STAT1: variants seen among roughly 807,000 people sequenced by gnomAD.
STAT1 encodes signal transducer and activator of transcription 1-alpha/beta.
In STAT1, 24 loss-of-function variants were observed where a neutral mutation model predicts 111.7. That is an observed-to-expected ratio of 0.21 (90% CI 0.16 to 0.30). The LOEUF (loss-of-function observed/expected upper bound fraction) is 0.30. STAT1 is among the 10% of genes least tolerant of loss of function. The probability of loss-of-function intolerance (pLI) is 1.00; values close to 1 mark genes in which losing one functional copy is unlikely to be tolerated. For synonymous variants in STAT1, 332 were observed against 326.5 expected, an observed-to-expected ratio of 1.02 and a Z score of -0.18; for missense variants, 351 against 911.9, an observed-to-expected ratio of 0.38 and a Z score of 7.92.
rs1693182277 is a variant in STAT1, at chr2:190,989,862, T to A, written c.1038-188A>T. Among the ~76,000 whole-genome samples the A allele has an allele frequency of 6.6e-6, 1 of 152,246 alleles. No homozygotes were observed. ...AAGTGTATTTGTAAGAATAAATTCC[T>A]AGCTGTGGAACCGCTTAGGAAAAAT... On this transcript the variant is annotated intron_variant, in intron 11 of 24. Coordinates refer to ENST00000361099, the MANE Select transcript of STAT1 (RefSeq NM_007315.4). The surrounding 1 kb of genome is among the most constrained non-coding windows in gnomAD (Gnocchi z 5.0).
Position 190,977,120 on chromosome 2 carries a change from A to G in STAT1, c.1874-95T>C. ...ACTGCAGAGTTGATGGATTTGAGTG[A>G]ACCTCATAAGAACTAATCACAATCT... On this transcript the variant is annotated intron_variant, in intron 21 of 24. Transcript: ENST00000361099. This position sits in a 1 kb window ranked among gnomAD's most constrained non-coding sequence, Gnocchi z 4.7. 8.1e-7 allele frequency: 1 copy of G among 1,234,328 alleles called. No homozygotes were observed. The highest frequency in any genetic ancestry group is 1.2e-6 in the Non-Finnish European group (1 of 842,098). The allele number at this position is 1,234,328 out of a possible 1,614,324, so 76.5% of individuals were successfully genotyped here.
chr2:191,005,426 T>C (rs1166731758), intron 5 of STAT1, among the ~76,000 whole-genome samples: 4 of 152,230 alleles, frequency 2.6e-5, no homozygotes, highest in African/African-American at 7.2e-5. Flanking sequence ...TGGAGCTTTA[T>C]GGGGGTACCA....
intron 5 of STAT1, among the ~76,000 whole-genome samples, chr2:191,005,385 C>T (rs891058836): frequency 1.6e-4 from 24 of 152,292 alleles, no homozygotes; most frequent in African/African-American, 5.5e-4. Context: ...CGATGGACCG[C>T]GTATATGACA....
In STAT1 at chr2:191,003,667, G is replaced by A. The variant is rs772529623; in HGVS notation, c.373-2504C>T. ...GTTTCCTGAGGCCTCCCCAGAAACT[G>A]AGCAGATGCCAGCACCATGCTTCCT... On this transcript the variant is annotated intron_variant, in intron 5 of 24. Transcript: ENST00000361099. The surrounding 1 kb of genome is among the most constrained non-coding windows in gnomAD (Gnocchi z 4.0). 1.3e-5 allele frequency among the ~76,000 whole-genome samples: 2 copies of A among 150,512 alleles called. No homozygotes were observed. Among genetic ancestry groups the A allele is most frequent in the African/African-American group, 2.5e-5 (1 of 40,804 alleles).
intron 3 of STAT1, among the ~76,000 whole-genome samples, 159 bp downstream of exon 3, chr2:191,009,717 T>C (rs1295537709): frequency 6.6e-6 from 1 of 152,208 alleles, no homozygotes; most frequent in Non-Finnish European, 1.5e-5. Context: ...TGGCTCAACT[T>C]TGTTGAGTCA....
In STAT1 at chr2:190,975,425, T is replaced by C. The variant is rs1184894182; in HGVS notation, c.2135+387A>G. On this transcript the variant is annotated intron_variant, in intron 23 of 24. Coordinates refer to ENST00000361099, the MANE Select transcript of STAT1 (RefSeq NM_007315.4). The surrounding 1 kb of genome is among the most constrained non-coding windows in gnomAD (Gnocchi z 5.9). ...ATAACTGACAATGACATTTCCAAAA[T>C]TTTTTCTACCTTTTATAAAATGAAA... 2 of 727,304 alleles carry C rather than the reference T, an allele frequency of 2.7e-6. No individual in the cohort carries two copies. The highest frequency in any genetic ancestry group is 2.2e-6 in the Non-Finnish European group (1 of 457,692). 45.1% of individuals were successfully genotyped at this position (727,304 alleles called of 1,614,324 possible).
At position 190,997,873 on chromosome 2, in the gene STAT1, C is replaced by T. The variant is rs1693972745; in HGVS notation, c.768G>A (p.Leu256=). ...AATCTTACCAGTTCTGCAGCTGATC[C>T]AAGCAAGCATTGGGCGGCCCCCCAA... ...ACIGGPPNAC[L]DQLQNWFTIV... is the part of the protein sequence containing the mutation. The change falls in exon 9 of 25, where the codon TTG becomes TTA. Residue 256 remains leucine (L), a synonymous_variant. Transcript: ENST00000361099. This position sits in a 1 kb window ranked among gnomAD's most constrained non-coding sequence, Gnocchi z 7.3. 1.9e-6 allele frequency: 3 copies of T among 1,614,210 alleles called. No homozygotes were observed. Among genetic ancestry groups the T allele is most frequent in the Non-Finnish European group, 2.5e-6 (3 of 1,180,040 alleles).
Position 190,977,234 on chromosome 2 carries a change from A to G in STAT1, c.1874-209T>C, listed in dbSNP as rs1015339290. On this transcript the variant is annotated intron_variant, in intron 21 of 24. Transcript: ENST00000361099. The surrounding 1 kb of genome is among the most constrained non-coding windows in gnomAD (Gnocchi z 4.7). ...AAAATAAAGGGAGGTATTATTCTCAATAACATTCTATTTGCCATTATTTGC... is the reference window on the plus strand; with the variant it reads ...AAAATAAAGGGAGGTATTATTCTCAGTAACATTCTATTTGCCATTATTTGC... Among the ~76,000 whole-genome samples, 1 of 152,228 alleles carries G rather than the reference A, an allele frequency of 6.6e-6. No homozygotes were observed. Among genetic ancestry groups the G allele is most frequent in the Admixed American group, 6.5e-5 (1 of 15,280 alleles).
Position 190,990,719 on chromosome 2 carries a change from A to G in STAT1, c.1037+509T>C, listed in dbSNP as rs1437863120. On this transcript the variant is annotated intron_variant, in intron 11 of 24. Transcript: ENST00000361099. This position sits in a 1 kb window ranked among gnomAD's most constrained non-coding sequence, Gnocchi z 5.1. Reference sequence around the variant, plus strand: ...GTATGAAATATATATTTGTGTAGACATGGACAAAATCCTGGGAGGACAGAC... The same window carrying G: ...GTATGAAATATATATTTGTGTAGACGTGGACAAAATCCTGGGAGGACAGAC... Among the ~76,000 whole-genome samples the G allele has an allele frequency of 6.6e-6, 1 of 152,212 alleles. No individual in the cohort carries two copies. The highest frequency in any genetic ancestry group is 6.5e-5 in the Admixed American group (1 of 15,272).
Position 190,985,571 on chromosome 2 carries a change from A to T in STAT1, c.1263+48T>A, listed in dbSNP as rs770617710. The T allele has an allele frequency of 1.9e-6, 3 of 1,610,292 alleles. No homozygotes were observed. The South Asian group carries it at 3.3e-5, about 18-fold the overall frequency. On this transcript the variant is annotated intron_variant, in intron 15 of 24. Transcript: ENST00000361099. ...CCACCAACTGACCTGTCCTTGCTAG[A>T]CAGACCTGCCTGATTTGGGCCCATT...
chr2:190,976,018 ATAACC>A lies in STAT1; in HGVS notation c.2060-136_2060-132del. ...TAGCCTCCTAAAACTTTAAGGAGCT[ATAACC>A]TCCCTGCCTGAGTCACCTAAAATTC... On this transcript the variant is annotated intron_variant, in intron 22 of 24. Coordinates refer to ENST00000361099, the MANE Select transcript of STAT1 (RefSeq NM_007315.4). The surrounding 1 kb of genome is among the most constrained non-coding windows in gnomAD (Gnocchi z 6.0). The A allele has an allele frequency of 1.3e-6, 1 of 787,912 alleles. No homozygotes were observed. Among genetic ancestry groups the A allele is most frequent in the Admixed American group, 2.0e-5 (1 of 48,782 alleles). The allele number at this position is 787,912 out of a possible 1,614,324, so 48.8% of individuals were successfully genotyped here. A position where few individuals can be genotyped will look rare whatever the true frequency, so the allele number is the denominator to read the frequency against.
At position 190,971,819 on chromosome 2, in the gene STAT1, C is replaced by T. The variant is rs1338081273; in HGVS notation, c.2239-1102G>A. On this transcript the variant is annotated intron_variant, in intron 24 of 24. Transcript: ENST00000361099. This position sits in a 1 kb window ranked among gnomAD's most constrained non-coding sequence, Gnocchi z 4.1. The stretch of plus-strand genomic sequence containing the variant: ...CCTCCACCTTCCAGGTTCAAGCGAT[C>T]CTCCTGCCTCAGCCCCCCTAGTAGC... 2.6e-5 allele frequency among the ~76,000 whole-genome samples: 4 copies of T among 151,996 alleles called. No homozygotes were observed. The highest frequency in any genetic ancestry group is 9.6e-5 in the African/African-American group (4 of 41,466).
In STAT1 at chr2:190,995,237, A is replaced by G; in HGVS notation, c.786-18T>C. ...TAGTGAACCTGGGAAGACACAAGACACAGATGTCTCTATGAGAAACAGTCC... is the reference window on the plus strand; with the variant it reads ...TAGTGAACCTGGGAAGACACAAGACGCAGATGTCTCTATGAGAAACAGTCC... On this transcript the variant is annotated intron_variant, in intron 9 of 24. Coordinates refer to ENST00000361099, the MANE Select transcript of STAT1 (RefSeq NM_007315.4). The surrounding 1 kb of genome is among the most constrained non-coding windows in gnomAD (Gnocchi z 4.2). 1.9e-6 allele frequency: 3 copies of G among 1,613,744 alleles called. No individual in the cohort carries two copies. Among genetic ancestry groups the G allele is most frequent in the Non-Finnish European group, 2.5e-6 (3 of 1,179,828 alleles).
Position 191,008,056 on chromosome 2 carries a change from A to G in STAT1, c.274-395T>C, listed in dbSNP as rs45450793. 1.4e-3 allele frequency: 623 copies of G among 450,772 alleles called. 4 individuals are homozygous for G. The highest frequency in any genetic ancestry group is 0.011 in the African/African-American group (561 of 49,846). The allele number at this position is 450,772 out of a possible 1,614,324, so 27.9% of individuals were successfully genotyped here. ...CATCTGTTGGTCTAAGCTTTGAACT[A>G]GACCAAAGATATTCATCTAGGGTTT... On this transcript the variant is annotated intron_variant, in intron 4 of 24. Transcript: ENST00000361099.
In STAT1 at chr2:190,969,634, A is replaced by G. The variant is rs1239405513; in HGVS notation, c.*1069T>C. On this transcript the variant is annotated 3_prime_UTR_variant, in exon 25 of 25. Transcript: ENST00000361099. ...CGCAAATGTGAAAAACACATATATCAGCGAAACATATGCAGTTCTCAATGC... is the reference window on the plus strand; with the variant it reads ...CGCAAATGTGAAAAACACATATATCGGCGAAACATATGCAGTTCTCAATGC... 1.3e-5 allele frequency: 2 copies of G among 152,240 alleles called. No homozygotes were observed. The highest frequency in any genetic ancestry group is 1.3e-4 in the Admixed American group (2 of 15,286). The allele number at this position is 152,240 out of a possible 1,614,324, so 9.4% of individuals were successfully genotyped here.
chr2:191,002,662 T>C (rs960747652), intron 5 of STAT1, among the ~76,000 whole-genome samples: 1 of 152,204 alleles, frequency 6.6e-6, no homozygotes, highest in Non-Finnish European at 1.5e-5. Context: ...TCTTGTCTAA[T>C]TGCATTGGCC....
chr2:190,977,469 A>C lies in STAT1; in HGVS notation c.1874-444T>G, dbSNP rs1691995887. On this transcript the variant is annotated intron_variant, in intron 21 of 24. Coordinates refer to ENST00000361099, the MANE Select transcript of STAT1 (RefSeq NM_007315.4). This position sits in a 1 kb window ranked among gnomAD's most constrained non-coding sequence, Gnocchi z 4.7. ...ATTTTTTATTAAAATAAATTATGATATATAGAAAACAACATTTCAAATTAA... is the reference window on the plus strand; with the variant it reads ...ATTTTTTATTAAAATAAATTATGATCTATAGAAAACAACATTTCAAATTAA... 6.6e-6 allele frequency among the ~76,000 whole-genome samples: 1 copy of C among 152,230 alleles called. No individual in the cohort carries two copies. The highest frequency in any genetic ancestry group is 2.4e-5 in the African/African-American group (1 of 41,450).
Position 190,983,834 on chromosome 2 carries a change from G to C in STAT1, c.1348-94C>G. The C allele has an allele frequency of 9.7e-7, 1 of 1,033,886 alleles. No homozygotes were observed. Among genetic ancestry groups the C allele is most frequent in the Non-Finnish European group, 1.5e-6 (1 of 663,298 alleles). 64.0% of individuals were successfully genotyped at this position (1,033,886 alleles called of 1,614,324 possible). ...CTCAACTAAAAGCAGGGGATTATTT[G>C]TAAATTTGTACATATTTAATACTTG... On this transcript the variant is annotated intron_variant, in intron 16 of 24. Transcript: ENST00000361099. This position sits in a 1 kb window ranked among gnomAD's most constrained non-coding sequence, Gnocchi z 5.7.
Position 190,998,264 on chromosome 2 carries a change from G to C in STAT1, c.586C>G (p.Gln196Glu). 6.2e-7 allele frequency: 1 copy of C among 1,613,772 alleles called. No individual in the cohort carries two copies. Among genetic ancestry groups the C allele is most frequent in the South Asian group, 1.1e-5 (1 of 91,084 alleles). Reference sequence around the variant, plus strand: ...AAATACATCTTCTTGAGTAACAGCTGTTCTTGTTTCTGATCACTCTTTGCC... The same window carrying C: ...AAATACATCTTCTTGAGTAACAGCTCTTCTTGTTTCTGATCACTCTTTGCC... ...GVAKSDQKQE[Q>E]LLLKKMYLML... Residue 196 changes from glutamine (Q) to glutamate (E), a missense_variant, in exon 8 of 25, where the codon CAG becomes GAG. By Grantham distance (29) the Gln-to-Glu change is conservative. This residue lies in a region of STAT1 where 67 missense variants were observed against 158.9 expected (regional missense o/e 0.42). Coordinates refer to ENST00000361099, the MANE Select transcript of STAT1 (RefSeq NM_007315.4). The surrounding 1 kb of genome is among the most constrained non-coding windows in gnomAD (Gnocchi z 4.1).
Sources: gnomAD v4.1 joint callset for allele counts (sites outside exome capture counted in the v4.1 genomes callset) on GRCh38, gnomAD v4.1.1 for gene constraint, gnomAD v4.1.1 regional missense constraint, Gnocchi (gnomAD v3.1) non-coding constraint, MANE v1.5 for transcripts, NCBI Gene and HGNC (gene_info 2026-07-23, HGNC 2026-07-21) for gene names.